Variants in KCNQ5 observed in about 807,000 individuals in gnomAD.
KCNQ5 encodes potassium voltage-gated channel subfamily Q member 5.
In KCNQ5, 30 loss-of-function variants were observed where a neutral mutation model predicts 98.2. The ratio of observed to expected loss-of-function variants is 0.31; its 90% CI spans 0.23 to 0.41. The LOEUF is 0.41. KCNQ5 is among the 10% of genes least tolerant of loss of function. KCNQ5 has a pLI of 1.00. For missense variants in KCNQ5, 835 were observed against 1,182.5 expected, an observed-to-expected ratio of 0.71 and a Z score of 4.31; for synonymous variants, 458 against 449.4, an observed-to-expected ratio of 1.02 and a Z score of -0.24.
At chr6:72,987,690 C>G in intron 1 of KCNQ5, 1 of 590,386 alleles carries the variant, frequency 1.7e-6, no homozygotes, top group South Asian at 1.7e-5. Context: ...TCTCCACCGC[C>G]CCCAACAAGA....
intron 1 of KCNQ5, among the ~76,000 whole-genome samples, chr6:72,817,595 T>A (rs2150110373): frequency 6.6e-6 from 1 of 152,274 alleles, no homozygotes; most frequent in Non-Finnish European, 1.5e-5. Flanking sequence ...CCTTGTTTTA[T>A]AATTGTAGAA....
At chr6:72,671,901 C>T (rs1026868533) in intron 1 of KCNQ5, among the ~76,000 whole-genome samples, 2 of 152,006 alleles carry the variant, frequency 1.3e-5, no homozygotes, top group Admixed American at 6.6e-5. Flanking sequence ...ACTGCGAGCT[C>T]CACCTCCCAG....
At chr6:72,894,844 T>C (rs1001524802) in intron 1 of KCNQ5, among the ~76,000 whole-genome samples, 1 of 152,158 alleles carries the variant, frequency 6.6e-6, no homozygotes, top group Non-Finnish European at 1.5e-5. Flanking sequence ...TCCCATATTT[T>C]AGAGTAGCAA....
At chr6:72,856,592 A>G (rs890893093) in intron 1 of KCNQ5, among the ~76,000 whole-genome samples, 4 of 152,138 alleles carry the variant, frequency 2.6e-5, no homozygotes, top group African/African-American at 9.7e-5. Flanking sequence ...CCTCTGCCCC[A>G]TTGAATCCTT....
intron 1 of KCNQ5, among the ~76,000 whole-genome samples, chr6:72,722,373 C>G (rs567023543): frequency 6.6e-6 from 1 of 152,270 alleles, no homozygotes; most frequent in South Asian, 2.1e-4. Context: ...CTCTGAAGTT[C>G]TAAGTCAATC....
At chr6:72,723,621 C>A (rs1347800699) in intron 1 of KCNQ5, among the ~76,000 whole-genome samples, 3 of 152,146 alleles carry the variant, frequency 2.0e-5, no homozygotes, top group Non-Finnish European at 4.4e-5. Flanking sequence ...CTATTCTCCC[C>A]TCACTTTTTT....
At chr6:73,031,726 T>C (rs1424889376) in intron 2 of KCNQ5, among the ~76,000 whole-genome samples, 1 of 152,212 alleles carries the variant, frequency 6.6e-6, no homozygotes, top group Non-Finnish European at 1.5e-5. Context: ...ATATCCTGCA[T>C]GTTTATGGTA....
intron 1 of KCNQ5, among the ~76,000 whole-genome samples, chr6:72,803,771 T>G (rs965430520): frequency 2.1e-4 from 32 of 152,296 alleles, no homozygotes; most frequent in African/African-American, 7.2e-4. Context: ...CTTCCTCATC[T>G]TTTTAATTTT....
intron 1 of KCNQ5, among the ~76,000 whole-genome samples, chr6:72,978,792 A>T (rs377044663): frequency 5.3e-5 from 8 of 152,158 alleles, no homozygotes; most frequent in East Asian, 1.9e-4. Flanking sequence ...CTCGTCATTT[A>T]CATTACATAT....
At chr6:72,685,298 C>A (rs1192685243) in intron 1 of KCNQ5, among the ~76,000 whole-genome samples, 1 of 152,088 alleles carries the variant, frequency 6.6e-6, no homozygotes, top group African/African-American at 2.4e-5. Flanking sequence ...AGAGTAAATC[C>A]CTCAGTCAAG....
intron 1 of KCNQ5, among the ~76,000 whole-genome samples, chr6:72,976,089 T>C (rs1768148808): frequency 6.6e-6 from 1 of 152,256 alleles, no homozygotes; most frequent in Admixed American, 6.5e-5. Flanking sequence ...AATAGCTTTT[T>C]GTTTCCAGGG....
chr6:73,091,950 A>G (rs563168126), intron 5 of KCNQ5, among the ~76,000 whole-genome samples: 1 of 151,910 alleles, frequency 6.6e-6, no homozygotes, highest in East Asian at 1.9e-4. Context: ...TATTGATTCT[A>G]CCTATCCGTG....
At chr6:73,053,538 C>A (rs1772336756) in intron 3 of KCNQ5, among the ~76,000 whole-genome samples, 1 of 152,008 alleles carries the variant, frequency 6.6e-6, no homozygotes, top group African/African-American at 2.4e-5. Flanking sequence ...ACCAACCACA[C>A]TCTCAGACTA....
intron 1 of KCNQ5, among the ~76,000 whole-genome samples, chr6:72,824,231 T>C (rs1005954186): frequency 2.0e-5 from 3 of 152,114 alleles, no homozygotes; most frequent in Non-Finnish European, 2.9e-5. Flanking sequence ...TTAGAAGCAA[T>C]TGAGCAATAT....
chr6:72,732,192 G>C (rs1219070761), intron 1 of KCNQ5, among the ~76,000 whole-genome samples: 1 of 152,096 alleles, frequency 6.6e-6, no homozygotes, highest in African/African-American at 2.4e-5. Context: ...AGTGTGGAAG[G>C]CAAATAGATA....
chr6:72,630,539 T>G (rs2098920242), intron 1 of KCNQ5: 1 of 152,186 alleles, frequency 6.6e-6, no homozygotes, highest in African/African-American at 2.4e-5. Context: ...AGAAATCCAT[T>G]GGAGAATATG....
intron 1 of KCNQ5, among the ~76,000 whole-genome samples, chr6:72,685,647 CT>C (rs1386423927): frequency 1.3e-5 from 2 of 152,202 alleles, no homozygotes; most frequent in African/African-American, 4.8e-5. Context: ...TTATACAATA[CT>C]GCCTTACTCA....
intron 1 of KCNQ5, among the ~76,000 whole-genome samples, chr6:72,661,396 C>T (rs1399614438): frequency 6.6e-6 from 1 of 151,996 alleles, no homozygotes; most frequent in African/African-American, 2.4e-5. Flanking sequence ...CACAATTATA[C>T]AATTAATAAA....
intron 1 of KCNQ5, among the ~76,000 whole-genome samples, chr6:72,743,756 C>T (rs567398892): frequency 1.8e-4 from 27 of 152,178 alleles, no homozygotes; most frequent in Admixed American, 3.3e-4. Context: ...TGACGAACTG[C>T]GGACTCTAAT....
Sources: gnomAD v4.1 joint callset for allele counts (sites outside exome capture counted in the v4.1 genomes callset) on GRCh38, gnomAD v4.1.1 for gene constraint, MANE v1.5 for transcripts, NCBI Gene and HGNC (gene_info 2026-07-23, HGNC 2026-07-21) for gene names.